Variants in CFAP20DC observed in about 807,000 individuals in gnomAD.
CFAP20DC encodes CFAP20 domain containing.
CFAP20DC carries 84 observed loss-of-function variants against 101.7 expected under a neutral mutation model. The ratio of observed to expected loss-of-function variants is 0.83; its 90% CI spans 0.69 to 0.99. The LOEUF is 0.99. Ranked by LOEUF, CFAP20DC falls within the 50% of genes least tolerant of loss-of-function variation. CFAP20DC has a pLI of 0.00. For missense variants in CFAP20DC, 1,007 were observed against 970.3 expected, an observed-to-expected ratio of 1.04 and a Z score of -0.50; for synonymous variants, 359 against 351.2, an observed-to-expected ratio of 1.02 and a Z score of -0.25.
intron 14 of CFAP20DC, among the ~76,000 whole-genome samples, chr3:58,830,700 A>G (rs1355047271): frequency 1.3e-5 from 2 of 152,220 alleles, no homozygotes; most frequent in Non-Finnish European, 1.5e-5. Flanking sequence ...TTCTTTAAAA[A>G]TTGTATAGCA....
intron 4 of CFAP20DC, among the ~76,000 whole-genome samples, chr3:58,990,760 T>G (rs1011904832): frequency 1.3e-5 from 2 of 150,416 alleles, no homozygotes; most frequent in Non-Finnish European, 3.0e-5. Flanking sequence ...AGCTGGTGTG[T>G]GTGTGTGTGT....
At chr3:58,785,786 A>C (rs924533819) in intron 15 of CFAP20DC, among the ~76,000 whole-genome samples, 1 of 152,120 alleles carries the variant, frequency 6.6e-6, no homozygotes, top group African/African-American at 2.4e-5. Context: ...AATTAAGAAG[A>C]AGCAAACACA....
chr3:58,792,241 T>A (rs996966319), intron 15 of CFAP20DC, among the ~76,000 whole-genome samples: 11 of 152,152 alleles, frequency 7.2e-5, no homozygotes, highest in Admixed American at 3.9e-4. Flanking sequence ...ATCATAATCA[T>A]GTCTGGGATT....
intron 3 of CFAP20DC, among the ~76,000 whole-genome samples, chr3:58,735,919 G>C (rs1027865903): frequency 6.6e-6 from 1 of 152,086 alleles, no homozygotes; most frequent in Non-Finnish European, 1.5e-5. Context: ...TATTTATCTG[G>C]ACTTTGTAAC....
chr3:59,039,307 G>A (rs1477668131), intron 4 of CFAP20DC, among the ~76,000 whole-genome samples: 1 of 151,948 alleles, frequency 6.6e-6, no homozygotes, highest in South Asian at 2.1e-4. Context: ...GTCATTTATT[G>A]TCAAAATAAT....
intron 16 of CFAP20DC, among the ~76,000 whole-genome samples, chr3:58,752,284 TAAGAA>T (rs1474321763): frequency 6.6e-6 from 1 of 151,972 alleles, no homozygotes; most frequent in African/African-American, 2.4e-5. Context: ...CCCAAGCATA[TAAGAA>T]AAGGGCCAGG....
Position 58,966,713 on chromosome 3 carries a change from C to T in CFAP20DC, c.279-28951G>A, listed in dbSNP as rs1017382387. Among the ~76,000 whole-genome samples, 11 of 151,602 alleles carry T rather than the reference C, an allele frequency of 7.3e-5. No individual in the cohort carries two copies. The South Asian group carries it at 1.0e-3, about 14-fold the overall frequency. On this transcript the variant is annotated intron_variant, in intron 4 of 16. Transcript: ENST00000482387. Reference sequence around the variant, plus strand: ...TAATTTTTTGTATTTTTAGTAGAGACGGGGTTTCAGCATGTTGGCCAGCCT... The same window carrying T: ...TAATTTTTTGTATTTTTAGTAGAGATGGGGTTTCAGCATGTTGGCCAGCCT...
Position 59,002,115 on chromosome 3 carries a change from T to A in CFAP20DC, c.278+37442A>T, listed in dbSNP as rs1381247163. 6.6e-6 allele frequency among the ~76,000 whole-genome samples: 1 copy of A among 152,212 alleles called. No individual in the cohort carries two copies. Among genetic ancestry groups the A allele is most frequent in the Non-Finnish European group, 1.5e-5 (1 of 68,020 alleles). On this transcript the variant is annotated intron_variant, in intron 4 of 16. Coordinates refer to ENST00000482387, the MANE Select transcript of CFAP20DC (RefSeq NM_001394063.1). The surrounding 1 kb of genome is among the most constrained non-coding windows in gnomAD (Gnocchi z 4.5). ...TTGTCAGAGCCTGAAAGAACTGAGT[T>A]GGGGATCCCAGCTCTGTTATCCCAC...
intron 13 of CFAP20DC, among the ~76,000 whole-genome samples, chr3:58,844,545 T>A (rs1271586876): frequency 1.5e-5 from 2 of 135,844 alleles, no homozygotes; most frequent in African/African-American, 6.5e-5. Context: ...AGACTTAGAC[T>A]CCCACACATT....
intron 4 of CFAP20DC, among the ~76,000 whole-genome samples, chr3:59,005,558 T>A (rs904201630): frequency 2.6e-5 from 4 of 152,224 alleles, no homozygotes; most frequent in African/African-American, 9.6e-5. Flanking sequence ...AATTTTTATA[T>A]GAATTAAGCT....
chr3:58,954,672 T>C (rs2090462718), intron 4 of CFAP20DC, among the ~76,000 whole-genome samples: 1 of 152,190 alleles, frequency 6.6e-6, no homozygotes, highest in East Asian at 1.9e-4. Context: ...TTTCATTCCA[T>C]TAGTTTTCCC....
intron 3 of CFAP20DC, among the ~76,000 whole-genome samples, chr3:59,040,187 CTT>C (rs1164843263): frequency 6.6e-6 from 1 of 151,906 alleles, no homozygotes; most frequent in Non-Finnish European, 1.5e-5. Context: ...TCATTTAAAC[CTT>C]TTGTTAATTA....
chr3:58,806,542 G>C (rs2074072305), intron 14 of CFAP20DC, 86 bp from the exon 15 acceptor site: 2 of 965,486 alleles, frequency 2.1e-6, no homozygotes, highest in Admixed American at 3.5e-5. Flanking sequence ...TACTGTAACT[G>C]TTTCCTCAGA....
intron 4 of CFAP20DC, among the ~76,000 whole-genome samples, chr3:58,998,559 A>T (rs2108717003): frequency 6.6e-6 from 1 of 152,276 alleles, no homozygotes; most frequent in Admixed American, 6.5e-5. Context: ...CAATAATCCT[A>T]TGAGGCAGCA....
intron 14 of CFAP20DC, among the ~76,000 whole-genome samples, chr3:58,812,720 A>G (rs2074762893): frequency 6.6e-6 from 1 of 151,850 alleles, no homozygotes; most frequent in African/African-American, 2.4e-5. Context: ...GTAAAATAAA[A>G]TAAAAAAAGA....
chr3:58,908,382 T>C (rs1576256122), intron 6 of CFAP20DC, among the ~76,000 whole-genome samples: 1 of 152,204 alleles, frequency 6.6e-6, no homozygotes, highest in Non-Finnish European at 1.5e-5. Context: ...CCTTCTAATA[T>C]GATTTTTCAT....
chr3:58,815,524 A>G (rs888226839), intron 14 of CFAP20DC, among the ~76,000 whole-genome samples: 2 of 150,926 alleles, frequency 1.3e-5, no homozygotes, highest in Admixed American at 6.6e-5. Flanking sequence ...TAATTAAACT[A>G]AAGACCTTCT....
At chr3:58,810,454 A>G (rs976490019) in intron 14 of CFAP20DC, among the ~76,000 whole-genome samples, 5 of 152,214 alleles carry the variant, frequency 3.3e-5, no homozygotes, top group African/African-American at 9.7e-5. Context: ...GACAAAAACC[A>G]CATCATAATC....
chr3:58,789,386 T>C (rs1242799839), intron 15 of CFAP20DC, among the ~76,000 whole-genome samples: 1 of 152,182 alleles, frequency 6.6e-6, no homozygotes, highest in Non-Finnish European at 1.5e-5. Context: ...TTGTAAAGAA[T>C]AACTACAGGG....
Sources: gnomAD v4.1 joint callset for allele counts (sites outside exome capture counted in the v4.1 genomes callset) on GRCh38, gnomAD v4.1.1 for gene constraint, Gnocchi (gnomAD v3.1) non-coding constraint, MANE v1.5 for transcripts, NCBI Gene and HGNC (gene_info 2026-07-23, HGNC 2026-07-21) for gene names.